The following KIF9 variants were observed in gnomAD, a reference collection of about 807,000 sequenced individuals.
KIF9 encodes kinesin family member 9.
In KIF9, 68 loss-of-function variants were observed where a neutral mutation model predicts 94.8. That is an observed-to-expected ratio of 0.72 (90% CI 0.59 to 0.88). KIF9 has a LOEUF of 0.88. KIF9 is among the 40% of genes least tolerant of loss of function. The probability of loss-of-function intolerance (pLI) is 0.00; values close to 1 mark genes in which losing one functional copy is unlikely to be tolerated. For synonymous variants in KIF9, 343 were observed against 362.1 expected (o/e 0.95, Z 0.60); for missense variants, 882 against 982.5 (o/e 0.90, Z 1.37).
intron 1 of KIF9, chr3:47,281,067 C>A (rs1161519491): frequency 2.8e-6 from 2 of 702,440 alleles, no homozygotes; most frequent in African/African-American, 3.5e-5. Context: ...CTTTTGAATC[C>A]CCTCACAATG....
intron 1 of KIF9, among the ~76,000 whole-genome samples, chr3:47,280,167 A>T (rs1360488926): frequency 2.0e-5 from 3 of 152,096 alleles, no homozygotes; most frequent in African/African-American, 4.8e-5. Flanking sequence ...CATGTTGCCC[A>T]GGCTGGTCTC....
intron 5 of KIF9, among the ~76,000 whole-genome samples, chr3:47,269,356 A>T (rs953727784): frequency 7.2e-5 from 11 of 152,174 alleles, no homozygotes; most frequent in Non-Finnish European, 7.4e-5. Flanking sequence ...ATCTCAGCTT[A>T]CTGAAACCTC....
rs1345250861 is a variant in KIF9, at chr3:47,248,085, C to T, written c.1061G>A (p.Arg354Lys). The change falls in exon 11 of 21, where the codon AGA (arginine) becomes AAA (lysine). Residue 354 changes from arginine (R) to lysine (K), a missense_variant and splice_region_variant. Transcript: ENST00000684063. ...PAINEKYDAE[R>K]MVKNLEKELA... ...TTCCTTCTCCAGGTTCTTGACCATT[C>T]TCTGCCGGGAAACATGGTAGGGTGG... is the stretch of plus-strand genomic sequence containing the variant. The T allele has an allele frequency of 6.2e-7, 1 of 1,613,060 alleles. No individual in the cohort carries two copies. The highest frequency in any genetic ancestry group is 8.5e-7 in the Non-Finnish European group (1 of 1,179,320).
chr3:47,233,043 A>G (rs1251734316), intron 20 of KIF9, among the ~76,000 whole-genome samples: 1 of 151,638 alleles, frequency 6.6e-6, no homozygotes, highest in African/African-American at 2.4e-5. Context: ...ACAGGAAGAA[A>G]TAGTTGTAAA....
At position 47,282,763 on chromosome 3, in the gene KIF9, T is replaced by C; in HGVS notation, c.-274A>G. ...TGCACATGCGAAGTCAAGGTCGAGA[T>C]AGCGAGGGAACGAAGGCCGCACATG... On this transcript the variant is annotated 5_prime_UTR_variant, in exon 1 of 21. Coordinates refer to ENST00000684063, the MANE Select transcript of KIF9 (RefSeq NM_182902.4). 1.4e-6 allele frequency: 2 copies of C among 1,428,104 alleles called. No individual in the cohort carries two copies. Among genetic ancestry groups the C allele is most frequent in the Non-Finnish European group, 1.8e-6 (2 of 1,095,298 alleles). The allele number at this position is 1,428,104 out of a possible 1,614,324, so 88.5% of individuals were successfully genotyped here.
chr3:47,245,140 A>AATGTCTTCTTGGACT, intron 14 of KIF9: 2 of 616,188 alleles, frequency 3.2e-6, no homozygotes. Context: ...CCTCACCAGT[A>AATGTCTTCTTGGACT]TGGCACCTCA....
At chr3:47,228,758 G>T in intron 20 of KIF9, 56 bp from the exon 21 acceptor site, 1 of 1,428,534 alleles carries the variant, frequency 7.0e-7, no homozygotes, top group South Asian at 1.1e-5. Context: ...GACATAGCAG[G>T]GACTCAGACC....
chr3:47,240,782 C>T lies in KIF9; in HGVS notation c.1924+19G>A, dbSNP rs769853027. 3 of 1,606,490 alleles carry T rather than the reference C, an allele frequency of 1.9e-6. No homozygotes were observed. Among genetic ancestry groups the T allele is most frequent in the Non-Finnish European group, 2.6e-6 (3 of 1,173,238 alleles). ...TCTGAGACCCCAAAGCTCCCTAGCC[C>T]TCTTTCCAACACATTTACCTTGCTT... is the stretch of plus-strand genomic sequence containing the variant. On this transcript the variant is annotated intron_variant, in intron 17 of 20. Coordinates refer to ENST00000684063, the MANE Select transcript of KIF9 (RefSeq NM_182902.4).
At chr3:47,239,857 G>A in intron 17 of KIF9, 1 of 1,367,894 alleles carries the variant, frequency 7.3e-7, no homozygotes, top group South Asian at 1.1e-5. Context: ...ATGGAAGCTG[G>A]CCTGGAACAG....
At chr3:47,257,006 G>T (rs562310866) in intron 10 of KIF9, among the ~76,000 whole-genome samples, 195 of 152,172 alleles carry the variant, frequency 1.3e-3, no homozygotes, top group African/African-American at 4.6e-3. Flanking sequence ...CAAACACTGC[G>T]GAAGGCCAGA....
At position 47,278,529 on chromosome 3, in the gene KIF9, T is replaced by TA. The variant is rs202160544; in HGVS notation, c.-5-1151dup. On this transcript the variant is annotated intron_variant, in intron 1 of 20. Coordinates refer to ENST00000684063, the MANE Select transcript of KIF9 (RefSeq NM_182902.4). ...AGACTACAGGCGCATGGCTTGGCTT[T>TA]AAAAAAAAACTAACTTTTGGCTGGG... Among the ~76,000 whole-genome samples, 543 of 151,524 alleles carry TA rather than the reference T, an allele frequency of 3.6e-3. 7 individuals are homozygous for TA. Among genetic ancestry groups the TA allele is most frequent in the East Asian group, 0.035 (181 of 5,168 alleles).
chr3:47,235,652 C>G (rs371418079), intron 19 of KIF9, 35 bp from the exon 20 acceptor site: 24 of 1,517,640 alleles, frequency 1.6e-5, no homozygotes, highest in Non-Finnish European at 2.2e-5. Context: ...ATGGTATTGT[C>G]AGGATATACC....
chr3:47,273,022 G>A (rs1158278382), intron 4 of KIF9, among the ~76,000 whole-genome samples: 4 of 152,180 alleles, frequency 2.6e-5, no homozygotes, highest in East Asian at 1.9e-4. Flanking sequence ...GGCTAGTGGG[G>A]CCCAAAGGAA....
At chr3:47,277,576 A>G (rs1260735435) in intron 1 of KIF9, among the ~76,000 whole-genome samples, 197 bp from the exon 2 acceptor site, 2 of 152,102 alleles carry the variant, frequency 1.3e-5, no homozygotes, top group African/African-American at 4.8e-5. Context: ...AAATACACGC[A>G]CTTTCTGCTT....
chr3:47,280,286 G>A (rs1016942511), intron 1 of KIF9, among the ~76,000 whole-genome samples: 2 of 152,190 alleles, frequency 1.3e-5, no homozygotes, highest in African/African-American at 4.8e-5. Flanking sequence ...CTCCTGCCCA[G>A]GGAAATTCAG....
chr3:47,228,553 G>C lies in KIF9; in HGVS notation c.*99C>G. The C allele has an allele frequency of 1.0e-6, 1 of 972,170 alleles. No individual in the cohort carries two copies. The allele number at this position is 972,170 out of a possible 1,614,324, so 60.2% of individuals were successfully genotyped here. A position where few individuals can be genotyped will look rare whatever the true frequency, so the allele number is the denominator to read the frequency against. On this transcript the variant is annotated 3_prime_UTR_variant, in exon 21 of 21. Coordinates refer to ENST00000684063, the MANE Select transcript of KIF9 (RefSeq NM_182902.4). ...TTCTCTGTGCTGGGTCCCAGCATTG[G>C]AGTAGAGGGGGCTGCAGCTCTGGGC...
At chr3:47,259,715 T>C (rs1034457989) in intron 9 of KIF9, among the ~76,000 whole-genome samples, 1 of 148,712 alleles carries the variant, frequency 6.7e-6, no homozygotes, top group African/African-American at 2.5e-5. Flanking sequence ...CAGAGTTAAA[T>C]GGATTAAGGG....
At chr3:47,265,424 G>A (rs917484010) in intron 8 of KIF9, among the ~76,000 whole-genome samples, 6 of 152,154 alleles carry the variant, frequency 3.9e-5, no homozygotes, top group East Asian at 3.9e-4. Flanking sequence ...AGAGGCCCTC[G>A]CCCCAAGTCT....
At position 47,264,143 on chromosome 3, in the gene KIF9, G is replaced by A; in HGVS notation, c.981+143C>T. 5 of 676,228 alleles carry A rather than the reference G, an allele frequency of 7.4e-6. 1 individual carries two copies. The South Asian group carries it at 7.9e-5, about 11-fold the overall frequency. The allele number at this position is 676,228 out of a possible 1,614,324, so 41.9% of individuals were successfully genotyped here. On this transcript the variant is annotated intron_variant, in intron 9 of 20. Transcript: ENST00000684063. The stretch of plus-strand genomic sequence containing the variant: ...CTAGCTCTGGGCCCCCTCAGCAACT[G>A]TGGCTCAGACTCACCCCTGGATCCT...
Sources: gnomAD v4.1 joint callset for allele counts (sites outside exome capture counted in the v4.1 genomes callset) on GRCh38, gnomAD v4.1.1 for gene constraint, MANE v1.5 for transcripts, NCBI Gene and HGNC (gene_info 2026-07-23, HGNC 2026-07-21) for gene names.